BTG4: variants seen among roughly 807,000 people sequenced by gnomAD.
The protein encoded by BTG4 is BTG anti-proliferation factor 4, also known as protein BTG4.
Under a neutral mutation model 19.3 loss-of-function variants are expected in BTG4, and 10 were observed. That is an observed-to-expected ratio of 0.52 (90% CI 0.32 to 0.88). The LOEUF (loss-of-function observed/expected upper bound fraction) is 0.88, where lower values mean the gene tolerates loss of function less well. Among genes scored for constraint, BTG4 ranks in the 40% least tolerant of loss-of-function variants. BTG4 has a pLI of 0.04. For synonymous variants in BTG4, 91 were observed against 95.7 expected, an observed-to-expected ratio of 0.95 and a Z score of 0.29; for missense variants, 238 against 281.9, an observed-to-expected ratio of 0.84 and a Z score of 1.11.
At chr11:111,512,866 T>TG (rs1867049665), upstream of BTG4, 1 of 405,104 alleles carries the variant, frequency 2.5e-6, no homozygotes, top group Non-Finnish European at 5.0e-6. Flanking sequence ...CCCGGTGAAA[T>TG]GGGGTCCGAG....
intron 1 of BTG4, among the ~76,000 whole-genome samples, chr11:111,507,153 G>A (rs1866513452): frequency 1.3e-5 from 2 of 151,792 alleles, no homozygotes; most frequent in East Asian, 3.9e-4. Flanking sequence ...ATGTTTAAGA[G>A]GATGGCATAA....
the BTG4 span, among the ~76,000 whole-genome samples, chr11:111,406,061 GT>G: frequency 6.6e-6 from 1 of 152,174 alleles, no homozygotes; most frequent in Non-Finnish European, 1.5e-5. Flanking sequence ...TGTGTAACAG[GT>G]TTTATTACTG....
At chr11:111,479,948 A>G (rs1451830430) in intron 5 of BTG4, among the ~76,000 whole-genome samples, 14 of 152,108 alleles carry the variant, frequency 9.2e-5, no homozygotes, top group Non-Finnish European at 2.1e-4. Context: ...TGAGAAATGA[A>G]AAAGAACAGA....
chr11:111,474,196 C>T (rs1388965844), intron 5 of BTG4, among the ~76,000 whole-genome samples: 3 of 152,068 alleles, frequency 2.0e-5, no homozygotes, highest in African/African-American at 7.2e-5. Context: ...ACTTTTAAAC[C>T]TTTATTAAAA....
At chr11:111,423,874 G>T in the BTG4 span, among the ~76,000 whole-genome samples, 5 of 152,124 alleles carry the variant, frequency 3.3e-5, no homozygotes, top group African/African-American at 1.2e-4. Flanking sequence ...ATTGGAACCA[G>T]GAAATCTCCG....
At chr11:111,486,821 A>C (rs1266973842) in intron 5 of BTG4, among the ~76,000 whole-genome samples, 2 of 152,170 alleles carry the variant, frequency 1.3e-5, no homozygotes, top group East Asian at 3.8e-4. Context: ...TTAAATATTT[A>C]ATTTTATTTC....
At chr11:111,395,197 G>T in the BTG4 span, among the ~76,000 whole-genome samples, 2 of 152,270 alleles carry the variant, frequency 1.3e-5, no homozygotes, top group Non-Finnish European at 2.9e-5. Context: ...GCACCCAGGG[G>T]CTCTGCTGCA....
rs566882314 is a variant in BTG4, at chr11:111,494,831, C to T, written c.*304G>A. 5.7e-5 allele frequency: 53 copies of T among 934,050 alleles called. 1 individual carries two copies. The South Asian group carries it at 1.8e-3, about 31-fold the overall frequency. 57.9% of individuals were successfully genotyped at this position (934,050 alleles called of 1,614,324 possible). ...ACTAAGAAGTATTAAAAACACTGTA[C>T]GTTTATTTAAACCATTACTTTTCAT... On this transcript the variant is annotated 3_prime_UTR_variant, in exon 5 of 5. Coordinates refer to ENST00000692032, the MANE Select transcript of BTG4 (RefSeq NM_001367975.1).
chr11:111,439,302 A>C, the BTG4 span, among the ~76,000 whole-genome samples: 3 of 152,206 alleles, frequency 2.0e-5, no homozygotes, highest in Non-Finnish European at 1.5e-5. Flanking sequence ...TGCCCAGCGC[A>C]TTGTGGCAGC....
chr11:111,454,010 C>T, the BTG4 span, among the ~76,000 whole-genome samples: 1 of 152,280 alleles, frequency 6.6e-6, no homozygotes, highest in African/African-American at 2.4e-5. Context: ...ATATGAATTT[C>T]CTGGGGATCT....
chr11:111,447,851 C>A, the BTG4 span, among the ~76,000 whole-genome samples: 1 of 152,214 alleles, frequency 6.6e-6, no homozygotes, highest in African/African-American at 2.4e-5. Context: ...GGGCATTTCT[C>A]TCTGAGTTGG....
the BTG4 span, among the ~76,000 whole-genome samples, chr11:111,397,331 G>A: frequency 6.6e-6 from 1 of 152,082 alleles, no homozygotes; most frequent in Non-Finnish European, 1.5e-5. Flanking sequence ...TAGGCCCTCT[G>A]GGAGCTGGGA....
chr11:111,491,592 T>C (rs140863885), downstream of BTG4, among the ~76,000 whole-genome samples: 1 of 151,354 alleles, frequency 6.6e-6, no homozygotes, highest in African/African-American at 2.4e-5. Context: ...CTACTAAAAA[T>C]CAAAAATTAG....
downstream of BTG4, among the ~76,000 whole-genome samples, chr11:111,494,285 AAAC>A (rs1241530145): frequency 1.3e-5 from 2 of 152,228 alleles, no homozygotes; most frequent in Non-Finnish European, 2.9e-5. Context: ...AGGATCTGCC[AAAC>A]AACAGCAAGG....
At chr11:111,419,011 T>C in the BTG4 span, among the ~76,000 whole-genome samples, 1 of 152,232 alleles carries the variant, frequency 6.6e-6, no homozygotes, top group African/African-American at 2.4e-5. Context: ...TCTCTCTTTG[T>C]CTTCATATGG....
the BTG4 span, among the ~76,000 whole-genome samples, chr11:111,432,184 T>C: frequency 6.6e-6 from 1 of 152,140 alleles, no homozygotes; most frequent in Non-Finnish European, 1.5e-5. Context: ...TGCCCTCAGG[T>C]AGCTGACACT....
the BTG4 span, among the ~76,000 whole-genome samples, chr11:111,459,193 G>A: frequency 6.6e-6 from 1 of 151,880 alleles, no homozygotes; most frequent in African/African-American, 2.4e-5. Flanking sequence ...AATGAGCTGA[G>A]ATCACATCAT....
chr11:111,492,938 G>T (rs1450024423), downstream of BTG4, among the ~76,000 whole-genome samples: 1 of 152,206 alleles, frequency 6.6e-6, no homozygotes, highest in Non-Finnish European at 1.5e-5. Context: ...TTGAGGCCAG[G>T]AGTTTGAGAC....
downstream of BTG4, among the ~76,000 whole-genome samples, chr11:111,494,550 CT>C (rs1379189454): frequency 6.6e-6 from 1 of 152,214 alleles, no homozygotes; most frequent in Non-Finnish European, 1.5e-5. Context: ...CAAAACAATT[CT>C]CACTGCTATC....
Sources: gnomAD v4.1 joint callset for allele counts (sites outside exome capture counted in the v4.1 genomes callset) on GRCh38, gnomAD v4.1.1 for gene constraint, MANE v1.5 for transcripts, NCBI Gene and HGNC (gene_info 2026-07-23, HGNC 2026-07-21) for gene names.